CFAP61: variants seen among roughly 807,000 people sequenced by gnomAD.
The protein encoded by CFAP61 is cilia- and flagella-associated protein 61.
In CFAP61, 107 loss-of-function variants were observed where a neutral mutation model predicts 135.6. The ratio of observed to expected loss-of-function variants is 0.79; its 90% CI spans 0.67 to 0.93. The LOEUF (loss-of-function observed/expected upper bound fraction) is 0.93, where lower values mean the gene tolerates loss of function less well. Ranked by LOEUF, CFAP61 falls within the 40% of genes least tolerant of loss-of-function variation. The pLI, the probability that CFAP61 is intolerant of heterozygous loss-of-function variation, is 0.00. For missense variants in CFAP61, 1,507 were observed against 1,556.2 expected (o/e 0.97, Z 0.53); for synonymous variants, 575 against 578.5 (o/e 0.99, Z 0.09).
At chr20:20,295,516 C>A (rs1465549077) in intron 24 of CFAP61, among the ~76,000 whole-genome samples, 1 of 152,164 alleles carries the variant, frequency 6.6e-6, no homozygotes, top group African/African-American at 2.4e-5. Flanking sequence ...CACCAATCAT[C>A]CCTTACTGTG....
chr20:20,162,044 G>A (rs929055988), intron 10 of CFAP61, among the ~76,000 whole-genome samples: 6 of 152,200 alleles, frequency 3.9e-5, no homozygotes, highest in South Asian at 4.1e-4. Flanking sequence ...AGACAGGGGC[G>A]TGTTCCTTCT....
At position 20,191,397 on chromosome 20, in the gene CFAP61, T is replaced by C; in HGVS notation, c.1568T>C (p.Ile523Thr). Residue 523 changes from isoleucine to threonine, a missense_variant, in exon 15 of 27, where the codon ATT becomes ACT. Ile to Thr is a moderately conservative substitution (Grantham distance 89). Coordinates refer to ENST00000245957, the MANE Select transcript of CFAP61 (RefSeq NM_015585.4). ...VAEVAEQIVG[I>T]AVIRNEMDIE... is the part of the protein sequence containing the mutation. ...GAAGTTGCAGAACAAATAGTTGGTA[T>C]TGCAGTGATCAGAAATGAAATGGTA... 6.2e-7 allele frequency: 1 copy of C among 1,611,668 alleles called. No individual in the cohort carries two copies. The highest frequency in any genetic ancestry group is 8.5e-7 in the Non-Finnish European group (1 of 1,178,318).
chr20:20,069,038 C>T (rs576632762), intron 2 of CFAP61, among the ~76,000 whole-genome samples: 43 of 152,284 alleles, frequency 2.8e-4, no homozygotes, highest in African/African-American at 8.2e-4. Flanking sequence ...CCACCGCGCC[C>T]GGCCTTTACC....
At chr20:20,055,255 A>G (rs1286505090) in intron 1 of CFAP61, among the ~76,000 whole-genome samples, 2 of 152,160 alleles carry the variant, frequency 1.3e-5, no homozygotes, top group African/African-American at 4.8e-5. Context: ...TCTATCATCT[A>G]AAGTTCTTGG....
At chr20:20,066,079 CTCA>C (rs1320144232) in intron 2 of CFAP61, among the ~76,000 whole-genome samples, 1 of 152,162 alleles carries the variant, frequency 6.6e-6, no homozygotes, top group African/African-American at 2.4e-5. Flanking sequence ...TGAAAAAATG[CTCA>C]TCATCACTGG....
chr20:20,185,877 CT>C (rs2055460889), intron 13 of CFAP61, among the ~76,000 whole-genome samples: 1 of 151,468 alleles, frequency 6.6e-6, no homozygotes, highest in Admixed American at 6.6e-5. Context: ...AAATAAAGAC[CT>C]TTTTCTCATG....
intron 25 of CFAP61, among the ~76,000 whole-genome samples, chr20:20,300,372 C>T (rs1348607944): frequency 6.6e-6 from 1 of 152,146 alleles, no homozygotes; most frequent in African/African-American, 2.4e-5. Flanking sequence ...GATGGCAGCT[C>T]CACGTGTGTT....
intron 14 of CFAP61, among the ~76,000 whole-genome samples, chr20:20,189,828 C>G (rs2055789271): frequency 6.6e-6 from 1 of 152,274 alleles, no homozygotes; most frequent in South Asian, 2.1e-4. Context: ...GAGTCTCACT[C>G]TTGTTGCCCA....
intron 8 of CFAP61, among the ~76,000 whole-genome samples, chr20:20,132,286 G>C (rs1017173786): frequency 6.6e-6 from 1 of 151,874 alleles, no homozygotes; most frequent in Non-Finnish European, 1.5e-5. Flanking sequence ...ATAATAGTCT[G>C]TTGTATATAT....
chr20:20,179,622 C>G (rs550808932), intron 13 of CFAP61, among the ~76,000 whole-genome samples: 1 of 152,312 alleles, frequency 6.6e-6, no homozygotes, highest in South Asian at 2.1e-4. Flanking sequence ...CCCTACCTGA[C>G]TTCAAACTAT....
At chr20:20,151,011 C>T (rs1267812014) in intron 9 of CFAP61, among the ~76,000 whole-genome samples, 2 of 152,036 alleles carry the variant, frequency 1.3e-5, no homozygotes, top group Admixed American at 6.5e-5. Flanking sequence ...GTAACACCCC[C>T]AAAAGACCAC....
At chr20:20,099,562 A>G (rs1170828017) in intron 8 of CFAP61, among the ~76,000 whole-genome samples, 1 of 119,920 alleles carries the variant, frequency 8.3e-6, no homozygotes, top group Non-Finnish European at 1.7e-5. Context: ...TGGGCATAAT[A>G]GTAATACCTC....
At chr20:20,089,227 G>T (rs182367790) in intron 6 of CFAP61, among the ~76,000 whole-genome samples, 31 of 152,260 alleles carry the variant, frequency 2.0e-4, no homozygotes, top group African/African-American at 7.2e-4. Flanking sequence ...TCATATCACG[G>T]CTCTGCTGCC....
chr20:20,166,955 C>T (rs117505916), intron 12 of CFAP61, among the ~76,000 whole-genome samples: 2,471 of 152,274 alleles, frequency 0.016, 34 homozygotes, highest in Non-Finnish European at 0.025. Flanking sequence ...TAAGATTCTC[C>T]ATGCCAGGGT....
At chr20:20,217,272 A>C (rs1358991994) in intron 17 of CFAP61, among the ~76,000 whole-genome samples, 1 of 152,238 alleles carries the variant, frequency 6.6e-6, no homozygotes, top group Non-Finnish European at 1.5e-5. Context: ...TTGCATTGAG[A>C]TGAAAGAGAT....
chr20:20,149,903 C>G (rs1228899275), intron 9 of CFAP61, among the ~76,000 whole-genome samples: 1 of 152,170 alleles, frequency 6.6e-6, no homozygotes, highest in Non-Finnish European at 1.5e-5. Context: ...GGAGTCACAG[C>G]CAGCAGTGTG....
intron 25 of CFAP61, among the ~76,000 whole-genome samples, chr20:20,340,667 C>T (rs547448953): frequency 1.3e-4 from 20 of 152,240 alleles, no homozygotes; most frequent in African/African-American, 3.4e-4. Flanking sequence ...CAGGCGGTTC[C>T]GCCACCAGAC....
chr20:20,074,277 A>G, intron 3 of CFAP61, 25 bp from the exon 4 acceptor site: 1 of 1,607,418 alleles, frequency 6.2e-7, no homozygotes, highest in Non-Finnish European at 8.5e-7. Flanking sequence ...TCAGCCTTTA[A>G]TCCGTGTTCT....
At chr20:20,144,085 A>G (rs1260609402) in intron 9 of CFAP61, among the ~76,000 whole-genome samples, 1 of 152,228 alleles carries the variant, frequency 6.6e-6, no homozygotes, top group African/African-American at 2.4e-5. Context: ...TTAAAGCAAG[A>G]ACTAAAAGAA....
Sources: allele counts gnomAD v4.1 joint callset (sites outside exome capture counted in the v4.1 genomes callset), GRCh38; gene constraint gnomAD v4.1.1; transcripts MANE v1.5; gene names NCBI Gene and HGNC (gene_info 2026-07-23, HGNC 2026-07-21).